Variants in ACAD10 observed in about 807,000 individuals in gnomAD.
The protein encoded by ACAD10 is ACAD-10.
In ACAD10, 112 loss-of-function variants were observed where a neutral mutation model predicts 116.8. That is an observed-to-expected ratio of 0.96 (90% CI 0.82 to 1.12). ACAD10 has a LOEUF of 1.12. Among genes scored for constraint, ACAD10 ranks in the 50% most tolerant of loss-of-function variants. The pLI, the probability that ACAD10 is intolerant of heterozygous loss-of-function variation, is 0.00. For synonymous variants in ACAD10, 486 were observed against 510.6 expected, an observed-to-expected ratio of 0.95 and a Z score of 0.65; for missense variants, 1,259 against 1,350.2, an observed-to-expected ratio of 0.93 and a Z score of 1.06.
chr12:111,715,702 C>T, intron 6 of ACAD10, 119 bp from the exon 7 acceptor site: 1 of 1,404,054 alleles, frequency 7.1e-7, no homozygotes, highest in South Asian at 1.3e-5. Flanking sequence ...TTTTCTTGCA[C>T]TGCATGGCAG....
chr12:111,756,702 G>A lies in ACAD10; in HGVS notation c.*229G>A. The A allele has an allele frequency of 1.4e-6, 1 of 738,986 alleles. No homozygotes were observed. Among genetic ancestry groups the A allele is most frequent in the Non-Finnish European group, 2.3e-6 (1 of 428,758 alleles). 45.8% of individuals were successfully genotyped at this position (738,986 alleles called of 1,614,324 possible). On this transcript the variant is annotated 3_prime_UTR_variant, in exon 21 of 21. Coordinates refer to ENST00000313698, the MANE Select transcript of ACAD10 (RefSeq NM_025247.6). ...GAGGAGGGGATTTGCTGAGGGCCAAGGGGGTTCTGGGACAGAGTCTGGAAA... is the reference window on the plus strand; with the variant it reads ...GAGGAGGGGATTTGCTGAGGGCCAAAGGGGTTCTGGGACAGAGTCTGGAAA...
chr12:111,752,278 T>G (rs1262105828), intron 18 of ACAD10, among the ~76,000 whole-genome samples: 1 of 151,354 alleles, frequency 6.6e-6, no homozygotes, highest in East Asian at 1.9e-4. Flanking sequence ...AAAATAATGT[T>G]TTGTTGTTGT....
At chr12:111,752,757 C>T (rs888712155) in intron 18 of ACAD10, 8 of 151,428 alleles carry the variant, frequency 5.3e-5, no homozygotes, top group Non-Finnish European at 1.0e-4. Context: ...ATTCTAGGTG[C>T]TCTTACTGTC....
At chr12:111,704,149 A>C (rs1051665885) in intron 3 of ACAD10, among the ~76,000 whole-genome samples, 4 of 144,288 alleles carry the variant, frequency 2.8e-5, no homozygotes, top group African/African-American at 1.0e-4. Flanking sequence ...TTTTTTTTTA[A>C]TTTTTTTTTT....
At chr12:111,692,156 T>TG (rs1483824643) in intron 1 of ACAD10, among the ~76,000 whole-genome samples, 5 of 152,056 alleles carry the variant, frequency 3.3e-5, no homozygotes, top group African/African-American at 1.2e-4. Flanking sequence ...TTAGTAGAGG[T>TG]GGGGTTTCTC....
Position 111,692,795 on chromosome 12 carries a change from AG to A in ACAD10, c.90del (p.Ser31ProfsTer15). On this transcript the variant is annotated frameshift_variant, in exon 2 of 21. Coordinates refer to ENST00000313698, the MANE Select transcript of ACAD10 (RefSeq NM_025247.6). LOFTEE classifies it high-confidence loss of function. ...CTGAAACACACCCAGCGCAGGCACCAGGGGTCCCACCGATGGACACACCTTG... is the reference window on the plus strand; with the variant it reads ...CTGAAACACACCCAGCGCAGGCACCAGGGTCCCACCGATGGACACACCTTG... ...AFLKHTQRRH[Q>X]GSHRWTHLGG... 2 of 1,614,200 alleles carry A rather than the reference AG, an allele frequency of 1.2e-6. No individual in the cohort carries two copies. The highest frequency in any genetic ancestry group is 1.7e-6 in the Non-Finnish European group (2 of 1,180,032).
intron 6 of ACAD10, among the ~76,000 whole-genome samples, chr12:111,715,207 C>T (rs779009366): frequency 1.3e-5 from 2 of 152,246 alleles, no homozygotes; most frequent in Admixed American, 6.5e-5. Context: ...CTCTTCTAAC[C>T]AAGTGAAATC....
intron 1 of ACAD10, among the ~76,000 whole-genome samples, chr12:111,686,924 G>T (rs903094308): frequency 2.0e-5 from 3 of 152,148 alleles, no homozygotes; most frequent in Admixed American, 2.0e-4. Flanking sequence ...GTGCAGTCTT[G>T]AACTAGTATA....
At chr12:111,712,278 C>T (rs939361219) in intron 5 of ACAD10, among the ~76,000 whole-genome samples, 5 of 152,002 alleles carry the variant, frequency 3.3e-5, no homozygotes, top group East Asian at 3.8e-4. Flanking sequence ...TTTGTGGCAC[C>T]GGGGAACAAA....
At chr12:111,689,403 A>T (rs1271476981) in intron 1 of ACAD10, among the ~76,000 whole-genome samples, 3 of 151,138 alleles carry the variant, frequency 2.0e-5, no homozygotes, top group Admixed American at 2.0e-4. Flanking sequence ...CTCACTCTAT[A>T]ACCCCGGCTG....
chr12:111,736,925 G>A lies in ACAD10; in HGVS notation c.1635G>A (p.Glu545=). 1 of 1,614,172 alleles carries A rather than the reference G, an allele frequency of 6.2e-7. No homozygotes were observed. Among genetic ancestry groups the A allele is most frequent in the Non-Finnish European group, 8.5e-7 (1 of 1,180,020 alleles). The stretch of plus-strand genomic sequence containing the variant: ...TCCAAATGGGGCTCCCTCCCACTGA[G>A]AACTGGAACTTCTATATGGCTTTTT... The part of the protein sequence containing the change: ...YCLQMGLPPT[E]NWNFYMAFSF... Residue 545 remains glutamate (E), a synonymous_variant, in exon 12 of 21, where the codon GAG becomes GAA. Coordinates refer to ENST00000313698, the MANE Select transcript of ACAD10 (RefSeq NM_025247.6).
At chr12:111,697,743 G>T (rs545368474) in intron 2 of ACAD10, among the ~76,000 whole-genome samples, 7 of 151,094 alleles carry the variant, frequency 4.6e-5, no homozygotes, top group Non-Finnish European at 8.8e-5. Context: ...CCACCACCAC[G>T]CCCTGCTAAT....
intron 7 of ACAD10, 30 bp downstream of exon 7, chr12:111,715,992 C>T (rs754000685): frequency 1.2e-6 from 2 of 1,613,178 alleles, no homozygotes; most frequent in Admixed American, 3.3e-5. Flanking sequence ...GGAGCACTTG[C>T]CCACTAGCCT....
chr12:111,710,104 TTC>T, intron 5 of ACAD10: 1 of 293,136 alleles, frequency 3.4e-6, no homozygotes, highest in South Asian at 2.7e-5. Context: ...TTTTTTTTTT[TTC>T]TCATACAGGG....
intron 8 of ACAD10, among the ~76,000 whole-genome samples, chr12:111,726,468 T>C (rs779825773): frequency 1.3e-5 from 2 of 152,148 alleles, no homozygotes; most frequent in African/African-American, 2.4e-5. Flanking sequence ...CTCTGTATGT[T>C]TGTTCCCTAA....
At chr12:111,727,393 G>A (rs1371842264) in intron 8 of ACAD10, among the ~76,000 whole-genome samples, 6 of 151,168 alleles carry the variant, frequency 4.0e-5, no homozygotes, top group Admixed American at 6.6e-5. Flanking sequence ...GCGTGGTGGC[G>A]GGTGCCTGTA....
chr12:111,729,471 T>TG (rs1889324570), intron 9 of ACAD10, among the ~76,000 whole-genome samples: 1 of 152,056 alleles, frequency 6.6e-6, no homozygotes, highest in Non-Finnish European at 1.5e-5. Flanking sequence ...ACTCCTGACC[T>TG]CCTGCCTGCG....
intron 6 of ACAD10, 150 bp downstream of exon 6, chr12:111,712,807 G>C: frequency 1.1e-6 from 1 of 895,604 alleles, no homozygotes; most frequent in Non-Finnish European, 1.7e-6. Context: ...TCGGAGCACT[G>C]CTTTCAGTTT....
chr12:111,699,880 ACAG>A, intron 2 of ACAD10, among the ~76,000 whole-genome samples: 1 of 152,196 alleles, frequency 6.6e-6, no homozygotes, highest in Non-Finnish European at 1.5e-5. Flanking sequence ...TGACTGTGCC[ACAG>A]CTCCCCAGCC....
Sources: allele counts gnomAD v4.1 joint callset (sites outside exome capture counted in the v4.1 genomes callset), GRCh38; gene constraint gnomAD v4.1.1; transcripts MANE v1.5; gene names NCBI Gene and HGNC (gene_info 2026-07-23, HGNC 2026-07-21).